Variants in EXOC6B observed in about 807,000 individuals in gnomAD.
The protein encoded by EXOC6B is SEC15 homolog B.
EXOC6B carries 54 observed loss-of-function variants against 113.5 expected under a neutral mutation model. The observed-to-expected ratio is 0.48, with a 90% CI of 0.38 to 0.60. The LOEUF (loss-of-function observed/expected upper bound fraction) is 0.60. Ranked by LOEUF, EXOC6B falls within the 20% of genes least tolerant of loss-of-function variation. The pLI, the probability that EXOC6B is intolerant of heterozygous loss-of-function variation, is 0.00. For missense variants in EXOC6B, 797 were observed against 977.5 expected (o/e 0.82, Z 2.46); for synonymous variants, 357 against 339.0 (o/e 1.05, Z -0.58).
At position 72,538,524 on chromosome 2, in the gene EXOC6B, G is replaced by A. The variant is rs1021207898; in HGVS notation, c.915+20929C>T. Among the ~76,000 whole-genome samples the A allele has an allele frequency of 1.2e-4, 18 of 151,868 alleles. No individual in the cohort carries two copies. In the South Asian group the frequency reaches 3.5e-3, roughly 30 times the overall value. ...TAATATTTTACATTCCTTTTTTGGCGATGAGTCTTTGGTGTGTATCTTACA... is the reference window on the plus strand; with the variant it reads ...TAATATTTTACATTCCTTTTTTGGCAATGAGTCTTTGGTGTGTATCTTACA... On this transcript the variant is annotated intron_variant, in intron 8 of 21. Coordinates refer to ENST00000272427, the MANE Select transcript of EXOC6B (RefSeq NM_015189.3).
chr2:72,199,858 T>G (rs1679385059), intron 20 of EXOC6B, among the ~76,000 whole-genome samples: 1 of 152,212 alleles, frequency 6.6e-6, no homozygotes, highest in African/African-American at 2.4e-5. Context: ...TTTCCTTTGG[T>G]AGCTGCAGAC....
At chr2:72,637,859 A>G (rs912640577) in intron 6 of EXOC6B, among the ~76,000 whole-genome samples, 2 of 152,144 alleles carry the variant, frequency 1.3e-5, no homozygotes, top group African/African-American at 4.8e-5. Context: ...GGATACAGCG[A>G]AAGTAGTACT....
chr2:72,294,503 C>G (rs553526658), intron 20 of EXOC6B, among the ~76,000 whole-genome samples: 1 of 152,070 alleles, frequency 6.6e-6, no homozygotes, highest in South Asian at 2.1e-4. Context: ...GCCCAGGCTG[C>G]GTTTTATTTT....
At chr2:72,611,700 CATAAATAA>C (rs201885005) in intron 6 of EXOC6B, among the ~76,000 whole-genome samples, 10 of 151,678 alleles carry the variant, frequency 6.6e-5, no homozygotes, top group African/African-American at 2.2e-4. Flanking sequence ...ATCATAGTTG[CATAAATAA>C]ATAAATAAAT....
Position 72,442,226 on chromosome 2 carries a change from A to G in EXOC6B, c.1980+22934T>C, listed in dbSNP as rs147372274. ...TCCATTCATGTTAAAAACTCTCAAT[A>G]AACTAGGTATTGAAGGAAGATACCT... is the stretch of plus-strand genomic sequence containing the variant. On this transcript the variant is annotated intron_variant, in intron 18 of 21. Coordinates refer to ENST00000272427, the MANE Select transcript of EXOC6B (RefSeq NM_015189.3). 4.3e-4 allele frequency among the ~76,000 whole-genome samples: 66 copies of G among 152,302 alleles called. 1 individual carries two copies. The East Asian group carries it at 0.011, about 25-fold the overall frequency.
rs115572401 is a variant in EXOC6B at position 72,730,330 on chromosome 2, C to A, written c.464+677G>T. 3.6e-4 allele frequency among the ~76,000 whole-genome samples: 54 copies of A among 152,056 alleles called. No individual in the cohort carries two copies. The South Asian group carries it at 0.011, about 30-fold the overall frequency. On this transcript the variant is annotated intron_variant, in intron 5 of 21. Coordinates refer to ENST00000272427, the MANE Select transcript of EXOC6B (RefSeq NM_015189.3). ...GTAGACTATGAGTAAAGATGATTAC[C>A]CTCCATAATGTGAGTAGGCCTCATT...
chr2:72,417,593 G>T (rs1208971131), intron 18 of EXOC6B, among the ~76,000 whole-genome samples: 1 of 152,052 alleles, frequency 6.6e-6, no homozygotes, highest in Admixed American at 6.6e-5. Flanking sequence ...TTCCTATTCT[G>T]TTATTAGTTA....
intron 18 of EXOC6B, among the ~76,000 whole-genome samples, chr2:72,460,973 G>A (rs1448035551): frequency 6.6e-6 from 1 of 151,546 alleles, no homozygotes; most frequent in Admixed American, 6.6e-5. Context: ...GTCCAACAAT[G>A]ATAGACTGGA....
intron 18 of EXOC6B, among the ~76,000 whole-genome samples, chr2:72,386,130 AT>A (rs1471724706): frequency 6.6e-6 from 1 of 152,128 alleles, no homozygotes; most frequent in East Asian, 1.9e-4. Context: ...CAATGGATGA[AT>A]GTAAAAAAAA....
chr2:72,442,366 A>T (rs929559995), intron 18 of EXOC6B, among the ~76,000 whole-genome samples: 2 of 152,154 alleles, frequency 1.3e-5, no homozygotes, highest in African/African-American at 4.8e-5. Context: ...GCCCTCTCTC[A>T]AGACTCATAT....
At chr2:72,410,505 G>A (rs1022557234) in intron 18 of EXOC6B, among the ~76,000 whole-genome samples, 1 of 152,124 alleles carries the variant, frequency 6.6e-6, no homozygotes, top group Admixed American at 6.5e-5. Context: ...CTATACACAG[G>A]CCTTTATGCA....
At chr2:72,611,718 T>C (rs544943975) in intron 6 of EXOC6B, among the ~76,000 whole-genome samples, 1 of 152,074 alleles carries the variant, frequency 6.6e-6, no homozygotes, top group South Asian at 2.1e-4. Flanking sequence ...AATAAATAAA[T>C]AAATAGTCTA....
chr2:72,572,249 G>C (rs972395299), intron 7 of EXOC6B, among the ~76,000 whole-genome samples: 1 of 152,086 alleles, frequency 6.6e-6, no homozygotes, highest in African/African-American at 2.4e-5. Flanking sequence ...TGTGCTCCAG[G>C]GACCAGGAGC....
At chr2:72,695,087 G>T (rs1171544424) in intron 6 of EXOC6B, among the ~76,000 whole-genome samples, 1 of 152,210 alleles carries the variant, frequency 6.6e-6, no homozygotes, top group Admixed American at 6.5e-5. Flanking sequence ...CCAACCAGGG[G>T]AGAGGTTACA....
chr2:72,484,683 G>A (rs888652639), intron 16 of EXOC6B, among the ~76,000 whole-genome samples: 4 of 151,576 alleles, frequency 2.6e-5, no homozygotes, highest in Non-Finnish European at 5.9e-5. Flanking sequence ...TCCCACTTAT[G>A]AGTGAGAACA....
At chr2:72,399,413 C>T (rs1035904107) in intron 18 of EXOC6B, among the ~76,000 whole-genome samples, 3 of 152,076 alleles carry the variant, frequency 2.0e-5, no homozygotes, top group African/African-American at 7.2e-5. Context: ...CTAGAGTAAC[C>T]AGGCAAGAGG....
chr2:72,466,396 G>A (rs2105425241), intron 17 of EXOC6B, among the ~76,000 whole-genome samples: 1 of 151,282 alleles, frequency 6.6e-6, no homozygotes, highest in East Asian at 1.9e-4. Flanking sequence ...GGTCCAGGTT[G>A]AGACTCATCA....
In EXOC6B at chr2:72,491,092, T is replaced by C. The variant is rs585938; in HGVS notation, c.1665+1226A>G. Among the ~76,000 whole-genome samples, 234 of 152,228 alleles carry C rather than the reference T, an allele frequency of 1.5e-3. 2 individuals carry two copies. The highest frequency in any genetic ancestry group is 4.6e-3 in the African/African-American group (193 of 41,530). On this transcript the variant is annotated intron_variant, in intron 16 of 21. Coordinates refer to ENST00000272427, the MANE Select transcript of EXOC6B (RefSeq NM_015189.3). Reference sequence around the variant, plus strand: ...AATTTTCACTCCAACCTTCCTTTTCTGTAACCTTCTTGATTATAAAGGAGG... The same window carrying C: ...AATTTTCACTCCAACCTTCCTTTTCCGTAACCTTCTTGATTATAAAGGAGG...
intron 20 of EXOC6B, among the ~76,000 whole-genome samples, chr2:72,278,348 A>G (rs1684928244): frequency 6.6e-6 from 1 of 152,200 alleles, no homozygotes; most frequent in African/African-American, 2.4e-5. Flanking sequence ...ATGTAGAGGG[A>G]CAATTGAAAG....
Sources: gnomAD v4.1 joint callset for allele counts (sites outside exome capture counted in the v4.1 genomes callset) on GRCh38, gnomAD v4.1.1 for gene constraint, MANE v1.5 for transcripts, NCBI Gene and HGNC (gene_info 2026-07-23, HGNC 2026-07-21) for gene names.